Variants in TMEM9 observed in about 807,000 individuals in gnomAD.
TMEM9 encodes proton-transporting V-type ATPase complex assembly regulator TMEM9.
Under a neutral mutation model 22.8 loss-of-function variants are expected in TMEM9, and 13 were observed. The ratio of observed to expected loss-of-function variants is 0.57; its 90% CI spans 0.37 to 0.91. The LOEUF (loss-of-function observed/expected upper bound fraction) is 0.91, where lower values mean the gene tolerates loss of function less well. TMEM9 is among the 40% of genes least tolerant of loss of function. The pLI is 0.01. For missense variants in TMEM9, 182 were observed against 238.1 expected, an observed-to-expected ratio of 0.76 and a Z score of 1.55; for synonymous variants, 88 against 93.0, an observed-to-expected ratio of 0.95 and a Z score of 0.31.
At chr1:201,156,157 T>C (rs980536637), upstream of TMEM9, among the ~76,000 whole-genome samples, 1 of 152,190 alleles carries the variant, frequency 6.6e-6, no homozygotes, top group Non-Finnish European at 1.5e-5. Flanking sequence ...GAGCTCACCA[T>C]CTTCCTCATC....
intron 3 of TMEM9, chr1:201,144,266 G>A (rs928228561): frequency 7.2e-5 from 20 of 277,128 alleles, no homozygotes; most frequent in Non-Finnish European, 1.4e-5. Context: ...GGGAACACAA[G>A]GGCCTCCCTG....
At chr1:201,171,059 C>T (rs1236911290) in intron 1 of TMEM9, among the ~76,000 whole-genome samples, 1 of 152,250 alleles carries the variant, frequency 6.6e-6, no homozygotes, top group African/African-American at 2.4e-5. Context: ...CAGATTCCCT[C>T]CCCGTGGTAA....
rs1178195190 is a variant in TMEM9 at position 201,154,364 on chromosome 1, C to T, written c.-441G>A. 2.3e-5 allele frequency: 4 copies of T among 170,336 alleles called. No individual in the cohort carries two copies. The highest frequency in any genetic ancestry group is 5.7e-5 in the Admixed American group (1 of 17,484). 10.6% of individuals were successfully genotyped at this position (170,336 alleles called of 1,614,324 possible). A position where few individuals can be genotyped will look rare whatever the true frequency, so the allele number is the denominator to read the frequency against. On this transcript the variant is annotated 5_prime_UTR_variant, in exon 1 of 5. The change creates a new upstream start codon in the 5' untranslated region. Transcript: ENST00000367330. ...CGACGGCGAAGGCCGGTGCCCACCA[C>T]GCCCAGAGGTCTTAAGCCGGACTGG...
At chr1:201,141,835 C>T (rs4915486) in intron 4 of TMEM9, among the ~76,000 whole-genome samples, 49,269 of 151,920 alleles carry the variant, frequency 0.32, 8,622 homozygotes, top group Admixed American at 0.38. Flanking sequence ...TACCCAGGGA[C>T]GGCAAGCTGC....
At chr1:201,157,724 G>A (rs533551578), upstream of TMEM9, among the ~76,000 whole-genome samples, 1 of 152,260 alleles carries the variant, frequency 6.6e-6, no homozygotes, top group South Asian at 2.1e-4. Context: ...AAATCAACAA[G>A]CAATGACAAT....
At chr1:201,142,792 G>A (rs996624722) in intron 4 of TMEM9, among the ~76,000 whole-genome samples, 4 of 152,218 alleles carry the variant, frequency 2.6e-5, no homozygotes, top group Non-Finnish European at 5.9e-5. Flanking sequence ...TAAGCAGCCC[G>A]CTCTGCTGTC....
rs181835150 is a variant in TMEM9, at chr1:201,149,040, C to T, written c.159-2192G>A. Among the ~76,000 whole-genome samples, 32 of 152,288 alleles carry T rather than the reference C, an allele frequency of 2.1e-4. No homozygotes were observed. In the East Asian group the frequency reaches 6.2e-3, roughly 29 times the overall value. Reference sequence around the variant, plus strand: ...TGGGTCCTGGGTCTAGAAGGTCATACCAGTATTGCAGTGGAATCTATGGAT... The same window carrying T: ...TGGGTCCTGGGTCTAGAAGGTCATATCAGTATTGCAGTGGAATCTATGGAT... On this transcript the variant is annotated intron_variant, in intron 2 of 4. Coordinates refer to ENST00000367330, the MANE Select transcript of TMEM9 (RefSeq NM_001288565.2).
At chr1:201,157,798 G>A (rs1404198213), upstream of TMEM9, among the ~76,000 whole-genome samples, 2 of 152,192 alleles carry the variant, frequency 1.3e-5, no homozygotes, top group African/African-American at 4.8e-5. Context: ...TAGACCAAGG[G>A]CCAGGGGAGC....
chr1:201,165,817 T>G (rs1271791942), intron 1 of TMEM9, among the ~76,000 whole-genome samples: 1 of 152,228 alleles, frequency 6.6e-6, no homozygotes. Flanking sequence ...TAAGCAATTG[T>G]TCTCCACTCA....
intron 2 of TMEM9, among the ~76,000 whole-genome samples, chr1:201,149,091 G>A (rs777068451): frequency 3.3e-5 from 5 of 152,226 alleles, no homozygotes; most frequent in Non-Finnish European, 5.9e-5. Context: ...GGTGTCAGGG[G>A]CAGTTTGGAA....
chr1:201,163,360 C>T (rs552640938), intron 1 of TMEM9, among the ~76,000 whole-genome samples: 3 of 152,130 alleles, frequency 2.0e-5, no homozygotes, highest in South Asian at 2.1e-4. Flanking sequence ...GAGGCTGAGG[C>T]GGGCAGATCA....
At position 201,154,053 on chromosome 1, in the gene TMEM9, G is replaced by A. The variant is rs186653948; in HGVS notation, c.-130C>T. 3 of 1,108,870 alleles carry A rather than the reference G, an allele frequency of 2.7e-6. No homozygotes were observed. The highest frequency in any genetic ancestry group is 2.7e-5 in the East Asian group (1 of 37,714). The allele number at this position is 1,108,870 out of a possible 1,614,324, so 68.7% of individuals were successfully genotyped here. A position where few individuals can be genotyped will look rare whatever the true frequency, so the allele number is the denominator to read the frequency against. ...AACCATCCGGCCAAGTGGGAATGGG[G>A]TTGGGGGCTGGGCTCCAGGATTCCA... On this transcript the variant is annotated 5_prime_UTR_variant, in exon 1 of 5. Coordinates refer to ENST00000367330, the MANE Select transcript of TMEM9 (RefSeq NM_001288565.2).
Position 201,160,892 on chromosome 1 carries a change from T to C in TMEM9, c.-36-6933A>G, listed in dbSNP as rs548310177. Among the ~76,000 whole-genome samples, 3 of 149,154 alleles carry C rather than the reference T, an allele frequency of 2.0e-5. No homozygotes were observed. In the South Asian group the frequency reaches 6.4e-4, roughly 32 times the overall value. ...CGGAGCTTGCAGTGAGCCGAGATCA[T>C]GCCACTGCACTCCAGCCTGGGGGAC... On this transcript the variant is annotated intron_variant, in intron 1 of 5. Coordinates refer to the TMEM9 transcript ENST00000367333.
intron 2 of TMEM9, among the ~76,000 whole-genome samples, chr1:201,150,949 C>T (rs1665377188): frequency 6.6e-6 from 1 of 152,188 alleles, no homozygotes; most frequent in Non-Finnish European, 1.5e-5. Flanking sequence ...AGCTTCCTGG[C>T]TCCCAAAACT....
chr1:201,169,459 G>A (rs1035523680), intron 1 of TMEM9, among the ~76,000 whole-genome samples: 7 of 152,136 alleles, frequency 4.6e-5, no homozygotes, highest in South Asian at 2.1e-4. Context: ...TCCATGTTAC[G>A]GACACATGCT....
chr1:201,137,902 C>T (rs544213564), intron 4 of TMEM9, among the ~76,000 whole-genome samples: 1 of 152,318 alleles, frequency 6.6e-6, no homozygotes, highest in African/African-American at 2.4e-5. Flanking sequence ...CATGCCTTCC[C>T]TGTTCACTGT....
chr1:201,141,430 A>G (rs978910149), intron 4 of TMEM9, among the ~76,000 whole-genome samples: 1 of 152,170 alleles, frequency 6.6e-6, no homozygotes, highest in African/African-American at 2.4e-5. Flanking sequence ...GGATAGAGAG[A>G]TGATGCCAAA....
intron 1 of TMEM9, among the ~76,000 whole-genome samples, chr1:201,168,647 A>G (rs984728235): frequency 6.6e-6 from 1 of 152,204 alleles, no homozygotes; most frequent in Admixed American, 6.5e-5. Context: ...TGAACCTAGG[A>G]GGCAGAGTTT....
At chr1:201,166,407 G>C (rs1666080154) in intron 1 of TMEM9, among the ~76,000 whole-genome samples, 2 of 150,926 alleles carry the variant, frequency 1.3e-5, no homozygotes, top group South Asian at 4.2e-4. Context: ...TGTCACCCAG[G>C]CTAGAAATGC....
Sources: gnomAD v4.1 joint callset for allele counts (sites outside exome capture counted in the v4.1 genomes callset) on GRCh38, gnomAD v4.1.1 for gene constraint, MANE v1.5 for transcripts, NCBI Gene and HGNC (gene_info 2026-07-23, HGNC 2026-07-21) for gene names.